Variants in CACNA2D3 observed in about 807,000 individuals in gnomAD.
CACNA2D3 encodes voltage-dependent calcium channel subunit alpha-2/delta-3.
In CACNA2D3, 60 loss-of-function variants were observed where a neutral mutation model predicts 160.6. That is an observed-to-expected ratio of 0.37 (90% CI 0.30 to 0.46). CACNA2D3 has a LOEUF of 0.46. Among genes scored for constraint, CACNA2D3 ranks in the 20% least tolerant of loss-of-function variants. CACNA2D3 has a pLI of 1.00. For synonymous variants in CACNA2D3, 558 were observed against 492.9 expected, an observed-to-expected ratio of 1.13 and a Z score of -1.75; for missense variants, 1,205 against 1,365.0, an observed-to-expected ratio of 0.88 and a Z score of 1.85.
At chr3:54,284,885 A>T (rs1056049743) in intron 2 of CACNA2D3, among the ~76,000 whole-genome samples, 1 of 152,254 alleles carries the variant, frequency 6.6e-6, no homozygotes, top group African/African-American at 2.4e-5. Flanking sequence ...TGTCCAATGT[A>T]TTTGACATTA....
intron 24 of CACNA2D3, among the ~76,000 whole-genome samples, chr3:54,889,033 A>G (rs1284372221): frequency 6.6e-6 from 1 of 152,212 alleles, no homozygotes; most frequent in Admixed American, 6.5e-5. Context: ...AACTAGTTCA[A>G]GGTTTGGGCA....
At chr3:54,226,820 TTTTTCCAGAAA>T (rs1701682888) in intron 2 of CACNA2D3, among the ~76,000 whole-genome samples, 1 of 152,324 alleles carries the variant, frequency 6.6e-6, no homozygotes, top group South Asian at 2.1e-4. Flanking sequence ...GTTTCTATTT[TTTTTCCAGAAA>T]TTTGGCCTCT....
intron 10 of CACNA2D3, among the ~76,000 whole-genome samples, chr3:54,629,073 C>A (rs1363372829): frequency 6.6e-6 from 1 of 151,948 alleles, no homozygotes; most frequent in African/African-American, 2.4e-5. Flanking sequence ...TGTTGGGGAG[C>A]TTGAGAGCTG....
intron 13 of CACNA2D3, among the ~76,000 whole-genome samples, chr3:54,788,630 A>G (rs145656900): frequency 1.3e-3 from 201 of 152,280 alleles, no homozygotes; most frequent in African/African-American, 4.2e-3. Context: ...TGACAACTCA[A>G]TGGACATTGA....
At chr3:54,565,719 G>A (rs1702399535) in intron 6 of CACNA2D3, among the ~76,000 whole-genome samples, 1 of 152,184 alleles carries the variant, frequency 6.6e-6, no homozygotes, top group Non-Finnish European at 1.5e-5. Context: ...ACATAATGCT[G>A]TAGGAAGAGA....
rs558786778 is a variant in CACNA2D3 at position 54,153,173 on chromosome 3, T to C, written c.204+29579T>C. On this transcript the variant is annotated intron_variant, in intron 2 of 37. Coordinates refer to ENST00000474759, the MANE Select transcript of CACNA2D3 (RefSeq NM_018398.3). ...TCTGTGACCTTGGGCGGGTATAAGT[T>C]GCTGTTCTGGGCCTGAGTGTCCACG... Among the ~76,000 whole-genome samples the C allele has an allele frequency of 1.4e-3, 216 of 152,268 alleles. 2 individuals are homozygous for C. Among genetic ancestry groups the C allele is most frequent in the African/African-American group, 4.9e-3 (204 of 41,540 alleles).
intron 9 of CACNA2D3, among the ~76,000 whole-genome samples, chr3:54,611,882 T>A (rs896574184): frequency 3.3e-5 from 5 of 152,238 alleles, no homozygotes; most frequent in Non-Finnish European, 7.3e-5. Context: ...TCAGCACACA[T>A]ACTGTTAAAG....
chr3:54,343,585 A>G (rs1399374452), intron 3 of CACNA2D3, among the ~76,000 whole-genome samples: 1 of 151,988 alleles, frequency 6.6e-6, no homozygotes, highest in East Asian at 1.9e-4. Flanking sequence ...CACCCAGCTA[A>G]TTTCTTCATT....
chr3:54,209,626 G>T (rs962609464), intron 2 of CACNA2D3, among the ~76,000 whole-genome samples: 2 of 152,304 alleles, frequency 1.3e-5, no homozygotes, highest in East Asian at 3.9e-4. Context: ...GACAGGAGCC[G>T]TAGTCAGTAA....
intron 27 of CACNA2D3, among the ~76,000 whole-genome samples, chr3:54,907,428 C>T (rs868091686): frequency 5.3e-5 from 8 of 152,092 alleles, no homozygotes; most frequent in Non-Finnish European, 7.4e-5. Flanking sequence ...CAGATTCAGT[C>T]TTGCGTTTGG....
At chr3:54,139,649 G>T (rs780264515) in intron 2 of CACNA2D3, among the ~76,000 whole-genome samples, 6 of 152,086 alleles carry the variant, frequency 3.9e-5, no homozygotes, top group Non-Finnish European at 8.8e-5. Context: ...TGAGTAAATT[G>T]GTATTTATAT....
At chr3:54,460,220 T>C (rs1481817069) in intron 4 of CACNA2D3, among the ~76,000 whole-genome samples, 1 of 152,066 alleles carries the variant, frequency 6.6e-6, no homozygotes, top group African/African-American at 2.4e-5. Context: ...TGCCTCCAGC[T>C]TTGTTCTTTT....
At chr3:54,511,311 C>T (rs190418094) in intron 5 of CACNA2D3, among the ~76,000 whole-genome samples, 2 of 152,116 alleles carry the variant, frequency 1.3e-5, no homozygotes, top group Admixed American at 1.3e-4. Context: ...TTCTTTTTCA[C>T]TGCACTCTCC....
chr3:54,388,810 G>C (rs1395579483), intron 4 of CACNA2D3, among the ~76,000 whole-genome samples: 1 of 152,202 alleles, frequency 6.6e-6, no homozygotes, highest in Non-Finnish European at 1.5e-5. Context: ...ACTTTGGCAG[G>C]TGTGAAGATT....
chr3:54,947,718 G>C (rs1342642136), intron 27 of CACNA2D3, among the ~76,000 whole-genome samples: 1 of 152,098 alleles, frequency 6.6e-6, no homozygotes, highest in Non-Finnish European at 1.5e-5. Flanking sequence ...ACTCGGTCTT[G>C]GGAACAGAAG....
chr3:54,768,497 G>A (rs1170019260), intron 13 of CACNA2D3, among the ~76,000 whole-genome samples: 1 of 152,110 alleles, frequency 6.6e-6, no homozygotes. Flanking sequence ...GAAGTTAGAG[G>A]GGGAACCCAT....
rs1419400235 is a variant in CACNA2D3, at chr3:54,434,691, G to A, written c.381+47917G>A. ...TGGGCCAGACACAGTCAGGGGTCAGGCCCACCCAACCAGGAGGGTCTCCAT... is the reference window on the plus strand; with the variant it reads ...TGGGCCAGACACAGTCAGGGGTCAGACCCACCCAACCAGGAGGGTCTCCAT... On this transcript the variant is annotated intron_variant, in intron 4 of 37. Coordinates refer to ENST00000474759, the MANE Select transcript of CACNA2D3 (RefSeq NM_018398.3). Among the ~76,000 whole-genome samples the A allele has an allele frequency of 2.6e-5, 4 of 152,184 alleles. No homozygotes were observed. The East Asian group carries it at 7.7e-4, about 29-fold the overall frequency.
intron 8 of CACNA2D3, among the ~76,000 whole-genome samples, chr3:54,580,108 G>C (rs1375179787): frequency 6.6e-6 from 1 of 152,060 alleles, no homozygotes; most frequent in Non-Finnish European, 1.5e-5. Context: ...TTACTCTCTG[G>C]TGTCTTTGGG....
At position 54,156,782 on chromosome 3, in the gene CACNA2D3, G is replaced by A. The variant is rs184352098; in HGVS notation, c.204+33188G>A. Among the ~76,000 whole-genome samples the A allele has an allele frequency of 1.3e-4, 20 of 152,300 alleles. No homozygotes were observed. In the East Asian group the frequency reaches 3.3e-3, roughly 25 times the overall value. On this transcript the variant is annotated intron_variant, in intron 2 of 37. Transcript: ENST00000474759. The stretch of plus-strand genomic sequence containing the variant: ...CCACTTTGGAAGTGGATCCTCCAAC[G>A]TCATTTAGCCTTTAGGTGATGGTGC...
Sources: allele counts gnomAD v4.1 joint callset (sites outside exome capture counted in the v4.1 genomes callset), GRCh38; gene constraint gnomAD v4.1.1; transcripts MANE v1.5; gene names NCBI Gene and HGNC (gene_info 2026-07-23, HGNC 2026-07-21).